The following PPP2R2B variants were observed in gnomAD, a reference collection of about 807,000 sequenced individuals.
The protein encoded by PPP2R2B is protein phosphatase 2 regulatory subunit Bbeta.
A neutral mutation model predicts 46.0 loss-of-function variants in PPP2R2B; 5 were observed. The observed-to-expected ratio is 0.11, with a 90% CI of 0.06 to 0.23. The LOEUF (loss-of-function observed/expected upper bound fraction) is 0.23, where lower values mean the gene tolerates loss of function less well. Ranked by LOEUF, PPP2R2B falls within the 10% of genes least tolerant of loss-of-function variation. The pLI is 1.00. For synonymous variants in PPP2R2B, 215 were observed against 206.7 expected (o/e 1.04, Z -0.34); for missense variants, 367 against 575.0 (o/e 0.64, Z 3.70).
At chr5:146,622,111 G>A (rs1338906411) in intron 7 of PPP2R2B, among the ~76,000 whole-genome samples, 1 of 152,202 alleles carries the variant, frequency 6.6e-6, no homozygotes, top group Non-Finnish European at 1.5e-5. Context: ...AAGATGGGAA[G>A]TGTTTGTAGG....
At chr5:146,736,131 T>C (rs1280419890) in intron 2 of PPP2R2B, among the ~76,000 whole-genome samples, 1 of 152,160 alleles carries the variant, frequency 6.6e-6, no homozygotes, top group Non-Finnish European at 1.5e-5. Context: ...ATAAGCAGCT[T>C]TTCCCTTCAC....
At chr5:147,045,518 A>C (rs2151899304) in intron 1 of PPP2R2B, among the ~76,000 whole-genome samples, 1 of 152,238 alleles carries the variant, frequency 6.6e-6, no homozygotes, top group Middle Eastern at 3.4e-3. Context: ...GAAAGTGCCT[A>C]ACATGCATTT....
At chr5:146,863,817 T>C (rs577611862) in intron 2 of PPP2R2B, among the ~76,000 whole-genome samples, 1 of 152,308 alleles carries the variant, frequency 6.6e-6, no homozygotes, top group East Asian at 1.9e-4. Context: ...AGGAAGAATG[T>C]TCTAAATAAA....
intron 2 of PPP2R2B, among the ~76,000 whole-genome samples, chr5:146,870,071 T>C (rs116622436): frequency 0.019 from 2,823 of 152,308 alleles, 95 homozygotes; most frequent in African/African-American, 0.064. Context: ...TACACCCTTG[T>C]GTGTCTGTAG....
At position 146,581,774 on chromosome 5, in the gene PPP2R2B, C is replaced by G. The variant is rs747637241; in HGVS notation, c.*8173G>C. On this transcript the variant is annotated 3_prime_UTR_variant, in exon 10 of 10. Transcript: ENST00000394411. ...GGAGAAATAGATTGTCTTTAATATG[C>G]AACTATGATTGTTTGCTGTTCTCTT... 1 of 152,150 alleles carries G rather than the reference C, an allele frequency of 6.6e-6. No homozygotes were observed. The highest frequency in any genetic ancestry group is 6.5e-5 in the Admixed American group (1 of 15,268). 9.4% of individuals were successfully genotyped at this position (152,150 alleles called of 1,614,324 possible).
chr5:146,710,558 C>G (rs1780159693), intron 2 of PPP2R2B, among the ~76,000 whole-genome samples: 1 of 152,202 alleles, frequency 6.6e-6, no homozygotes, highest in Non-Finnish European at 1.5e-5. Flanking sequence ...ACAGAAAAAT[C>G]CAGTGGGAAA....
rs115680212 is a variant in PPP2R2B, at chr5:146,639,871, G to A, written c.626-1456C>T. Among the ~76,000 whole-genome samples the A allele has an allele frequency of 3.7e-3, 561 of 152,298 alleles. 4 individuals carry two copies. The highest frequency in any genetic ancestry group is 0.016 in the South Asian group (79 of 4,828). On this transcript the variant is annotated intron_variant, in intron 6 of 9. Coordinates refer to ENST00000394411, the MANE Select transcript of PPP2R2B (RefSeq NM_181675.4). ...GTAATATGCATAAAAATTGACATGT[G>A]ATAACTGCAAATGCGTGTGCCAGGA...
chr5:146,800,083 T>C (rs951631447), intron 2 of PPP2R2B, among the ~76,000 whole-genome samples: 1 of 152,166 alleles, frequency 6.6e-6, no homozygotes, highest in African/African-American at 2.4e-5. Context: ...TGAATTATTA[T>C]AACAATTAAG....
intron 2 of PPP2R2B, among the ~76,000 whole-genome samples, chr5:146,829,540 G>A (rs1485539925): frequency 6.6e-6 from 1 of 152,144 alleles, no homozygotes; most frequent in African/African-American, 2.4e-5. Context: ...GGCTGTGATG[G>A]GGAGCACTCT....
At chr5:146,720,571 G>A (rs775751386) in intron 2 of PPP2R2B, among the ~76,000 whole-genome samples, 3 of 152,160 alleles carry the variant, frequency 2.0e-5, no homozygotes, top group Non-Finnish European at 4.4e-5. Flanking sequence ...CTCATACACT[G>A]TCCCTCATCT....
chr5:146,878,722 C>T lies in PPP2R2B; in HGVS notation c.-256G>A. On this transcript the variant is annotated 5_prime_UTR_variant, in exon 1 of 10. The change creates a new upstream start codon in the 5' untranslated region. Coordinates refer to ENST00000394411, the MANE Select transcript of PPP2R2B (RefSeq NM_181675.4). The surrounding 1 kb of genome is among the most constrained non-coding windows in gnomAD (Gnocchi z 4.5). Reference sequence around the variant, plus strand: ...TCACCCTCACACCCACACGCGCGCACTCGCAGCTGCTGCTGCTGCTGCTGC... The same window carrying T: ...TCACCCTCACACCCACACGCGCGCATTCGCAGCTGCTGCTGCTGCTGCTGC... 1.3e-6 allele frequency: 1 copy of T among 774,010 alleles called. No individual in the cohort carries two copies. Among genetic ancestry groups the T allele is most frequent in the Non-Finnish European group, 1.6e-6 (1 of 621,480 alleles). The allele number at this position is 774,010 out of a possible 1,614,324, so 47.9% of individuals were successfully genotyped here. A position where few individuals can be genotyped will look rare whatever the true frequency, so the allele number is the denominator to read the frequency against.
chr5:146,937,731 C>T (rs779862164), intron 1 of PPP2R2B, among the ~76,000 whole-genome samples: 1 of 152,078 alleles, frequency 6.6e-6, no homozygotes, highest in Non-Finnish European at 1.5e-5. Context: ...GCAGGTCGCT[C>T]GGTACAGCTC....
At chr5:147,030,879 C>T (rs1755745718) in intron 1 of PPP2R2B, among the ~76,000 whole-genome samples, 1 of 152,148 alleles carries the variant, frequency 6.6e-6, no homozygotes, top group African/African-American at 2.4e-5. Flanking sequence ...ATGGTTCACT[C>T]ACTTCTGTAT....
At chr5:146,774,379 G>A (rs562945792) in intron 2 of PPP2R2B, among the ~76,000 whole-genome samples, 17 of 152,116 alleles carry the variant, frequency 1.1e-4, no homozygotes, top group South Asian at 2.1e-4. Context: ...TGAGAACCAG[G>A]ACCAAATGTC....
At chr5:147,042,924 G>A (rs2151897893) in intron 1 of PPP2R2B, among the ~76,000 whole-genome samples, 1 of 152,176 alleles carries the variant, frequency 6.6e-6, no homozygotes, top group East Asian at 1.9e-4. Context: ...GGGGATGTAC[G>A]TGGTCTGTTT....
rs1429167307 is a variant in PPP2R2B, at chr5:146,983,203, C to T, written c.79+72462G>A. Reference sequence around the variant, plus strand: ...TTTTTTTTTTTTTTTTTTTTTGAGACGGAGTCTTGCTCTGTCCCCCAGGCT... The same window carrying T: ...TTTTTTTTTTTTTTTTTTTTTGAGATGGAGTCTTGCTCTGTCCCCCAGGCT... On this transcript the variant is annotated intron_variant, in intron 1 of 8. Transcript: ENST00000336640. 2.6e-3 allele frequency among the ~76,000 whole-genome samples: 76 copies of T among 28,796 alleles called. 1 individual carries two copies. Among genetic ancestry groups the T allele is most frequent in the South Asian group, 8.2e-3 (7 of 856 alleles). The allele number at this position is 28,796 out of a possible 152,430, so 18.9% of individuals were successfully genotyped here. A position where few individuals can be genotyped will look rare whatever the true frequency, so the allele number is the denominator to read the frequency against.
intron 7 of PPP2R2B, among the ~76,000 whole-genome samples, chr5:146,608,562 C>CGAGGCAGGTAGATCACG (rs1405175539): frequency 1.3e-5 from 2 of 151,984 alleles, no homozygotes; most frequent in African/African-American, 4.8e-5. Flanking sequence ...TTTGGGAGGC[C>CGAGGCAGGTAGATCACG]GAGGCAGGTA....
intron 5 of PPP2R2B, among the ~76,000 whole-genome samples, chr5:146,660,270 C>T (rs1307636242): frequency 1.3e-5 from 2 of 152,146 alleles, no homozygotes; most frequent in Non-Finnish European, 2.9e-5. Context: ...AATTACTTTT[C>T]ATTTTCAGTA....
chr5:146,603,962 G>T (rs1772025360), intron 7 of PPP2R2B, among the ~76,000 whole-genome samples: 1 of 152,142 alleles, frequency 6.6e-6, no homozygotes, highest in Admixed American at 6.5e-5. Flanking sequence ...TAAGTTAAGT[G>T]TCTTGTATGC....
Sources: gnomAD v4.1 joint callset for allele counts (sites outside exome capture counted in the v4.1 genomes callset) on GRCh38, gnomAD v4.1.1 for gene constraint, Gnocchi (gnomAD v3.1) non-coding constraint, MANE v1.5 for transcripts, NCBI Gene and HGNC (gene_info 2026-07-23, HGNC 2026-07-21) for gene names.